PTPRM: variants seen among roughly 807,000 people sequenced by gnomAD.
The protein encoded by PTPRM is receptor-type tyrosine-protein phosphatase mu.
Under a neutral mutation model 186.7 loss-of-function variants are expected in PTPRM, and 47 were observed. The observed-to-expected ratio is 0.25, with a 90% CI of 0.20 to 0.32. The LOEUF is 0.32. PTPRM is among the 10% of genes least tolerant of loss of function. The probability of loss-of-function intolerance (pLI) is 1.00; values close to 1 mark genes in which losing one functional copy is unlikely to be tolerated. For missense variants in PTPRM, 1,494 were observed against 1,865.0 expected (o/e 0.80, Z 3.66); for synonymous variants, 668 against 674.9 (o/e 0.99, Z 0.16).
chr18:8,389,991 A>G (rs909806796), intron 31 of PTPRM, among the ~76,000 whole-genome samples: 3 of 152,258 alleles, frequency 2.0e-5, no homozygotes, highest in Admixed American at 6.5e-5. Context: ...GGATAGAATT[A>G]AGATTTCACC....
chr18:7,887,001 T>C (rs933396782), intron 2 of PTPRM, among the ~76,000 whole-genome samples: 2 of 152,226 alleles, frequency 1.3e-5, no homozygotes, highest in Non-Finnish European at 2.9e-5. Flanking sequence ...TTACTGATAA[T>C]GTGTGGGTAG....
At chr18:8,286,135 A>G (rs1601634683) in intron 19 of PTPRM, among the ~76,000 whole-genome samples, 2 of 152,240 alleles carry the variant, frequency 1.3e-5, no homozygotes, top group Non-Finnish European at 2.9e-5. Flanking sequence ...AAATTTGGAA[A>G]GACCTCGTGA....
In PTPRM at chr18:7,828,045, G is replaced by A. The variant is rs550740847; in HGVS notation, c.196+53774G>A. 1.2e-3 allele frequency among the ~76,000 whole-genome samples: 187 copies of A among 152,060 alleles called. 2 individuals are homozygous for A. Among genetic ancestry groups the A allele is most frequent in the Middle Eastern group, 0.01 (3 of 294 alleles). On this transcript the variant is annotated intron_variant, in intron 2 of 32. Transcript: ENST00000580170. ...CAATGGCTGATAATCCGAATCATTT[G>A]GGAAGTTTAAAAAAAATTGTGCTTG...
intron 1 of PTPRM, among the ~76,000 whole-genome samples, chr18:7,736,834 G>T (rs551623934): frequency 2.0e-5 from 3 of 152,276 alleles, no homozygotes; most frequent in Non-Finnish European, 2.9e-5. Context: ...CGGGCCTGGC[G>T]CTGGGCTGCC....
In PTPRM at chr18:8,376,552, C is replaced by T. The variant is rs775794517; in HGVS notation, c.3417C>T (p.Cys1139=). 1.3e-5 allele frequency: 21 copies of T among 1,613,784 alleles called. No homozygotes were observed. Among genetic ancestry groups the T allele is most frequent in the Admixed American group, 1.7e-5 (1 of 59,982 alleles). ...AAGGGGTCGTAGACATCTACAACTG[C>T]GTCAGGGAGCTGCGGTCACGGAGGG... is the stretch of plus-strand genomic sequence containing the variant. ...EREGVVDIYN[C]VRELRSRRVN... The change falls in exon 26 of 33, where the codon TGC becomes TGT. Residue 1139 remains cysteine (C), a synonymous_variant. Coordinates refer to ENST00000580170, the MANE Select transcript of PTPRM (RefSeq NM_001105244.2).
chr18:7,579,219 T>C (rs2036781016), intron 1 of PTPRM, among the ~76,000 whole-genome samples: 2 of 152,218 alleles, frequency 1.3e-5, no homozygotes, highest in South Asian at 4.1e-4. Context: ...CCCTGCATCC[T>C]GGATACCTGC....
intron 14 of PTPRM, among the ~76,000 whole-genome samples, chr18:8,212,032 G>A (rs2094013273): frequency 6.6e-6 from 1 of 152,124 alleles, no homozygotes; most frequent in Admixed American, 6.5e-5. Flanking sequence ...GCTGTAGGGT[G>A]AGCTGGGTGA....
chr18:7,774,945 T>G (rs1336448762), intron 2 of PTPRM, among the ~76,000 whole-genome samples: 1 of 152,178 alleles, frequency 6.6e-6, no homozygotes, highest in Non-Finnish European at 1.5e-5. Context: ...GGACATCCCT[T>G]TAGGACTTTA....
At chr18:7,642,981 G>C (rs1330862223) in intron 1 of PTPRM, among the ~76,000 whole-genome samples, 1 of 151,686 alleles carries the variant, frequency 6.6e-6, no homozygotes, top group Non-Finnish European at 1.5e-5. Context: ...TTCATTTGCA[G>C]GTTTTATAAA....
intron 7 of PTPRM, among the ~76,000 whole-genome samples, chr18:7,959,038 C>T (rs780746211): frequency 1.2e-4 from 18 of 152,074 alleles, no homozygotes; most frequent in Non-Finnish European, 1.9e-4. Context: ...AACTGCTAAC[C>T]CTCTCTGGGC....
chr18:7,586,606 G>A (rs1207504594), intron 1 of PTPRM, among the ~76,000 whole-genome samples: 1 of 152,102 alleles, frequency 6.6e-6, no homozygotes, highest in Non-Finnish European at 1.5e-5. Flanking sequence ...GGTCTGTGGG[G>A]CATTGGCATC....
intron 14 of PTPRM, among the ~76,000 whole-genome samples, chr18:8,180,993 T>C (rs1049689545): frequency 2.0e-5 from 3 of 152,196 alleles, no homozygotes; most frequent in African/African-American, 7.2e-5. Flanking sequence ...AGCTACCTAC[T>C]GTGACACTCC....
intron 7 of PTPRM, among the ~76,000 whole-genome samples, chr18:8,034,651 A>T (rs1600181396): frequency 6.6e-6 from 1 of 152,138 alleles, no homozygotes; most frequent in East Asian, 1.9e-4. Flanking sequence ...CCAGTGCTCC[A>T]CTCTGGGCTC....
At chr18:8,026,406 A>G (rs2085571921) in intron 7 of PTPRM, among the ~76,000 whole-genome samples, 1 of 152,214 alleles carries the variant, frequency 6.6e-6, no homozygotes, top group African/African-American at 2.4e-5. Flanking sequence ...ACAGAAGAAT[A>G]TGTTAACTAC....
intron 5 of PTPRM, among the ~76,000 whole-genome samples, chr18:7,935,883 G>T (rs1379731987): frequency 6.6e-6 from 1 of 152,174 alleles, no homozygotes; most frequent in Non-Finnish European, 1.5e-5. Flanking sequence ...TGGTCAGGTT[G>T]TGTCAGTCTG....
At chr18:8,159,740 T>C (rs2093192182) in intron 14 of PTPRM, among the ~76,000 whole-genome samples, 1 of 152,200 alleles carries the variant, frequency 6.6e-6, no homozygotes, top group Non-Finnish European at 1.5e-5. Context: ...CAACATCCTA[T>C]TCTTACATCT....
chr18:7,768,210 T>C (rs2042103333), intron 1 of PTPRM, among the ~76,000 whole-genome samples: 1 of 152,168 alleles, frequency 6.6e-6, no homozygotes, highest in South Asian at 2.1e-4. Flanking sequence ...TTCTAAAACA[T>C]GTAGGATCTG....
intron 1 of PTPRM, among the ~76,000 whole-genome samples, chr18:7,705,434 A>G (rs1332643540): frequency 6.6e-6 from 1 of 151,658 alleles, no homozygotes; most frequent in Non-Finnish European, 1.5e-5. Flanking sequence ...GGTTGTACTT[A>G]GGTGTTAATA....
At chr18:8,355,561 T>C (rs2095559159) in intron 23 of PTPRM, among the ~76,000 whole-genome samples, 1 of 151,824 alleles carries the variant, frequency 6.6e-6, no homozygotes, top group South Asian at 2.1e-4. Context: ...GGTGTGGAAG[T>C]GACAAGGGGA....
Sources: gnomAD v4.1 joint callset for allele counts (sites outside exome capture counted in the v4.1 genomes callset) on GRCh38, gnomAD v4.1.1 for gene constraint, MANE v1.5 for transcripts, NCBI Gene and HGNC (gene_info 2026-07-23, HGNC 2026-07-21) for gene names.